ENTHD1: variants seen among roughly 807,000 people sequenced by gnomAD.
ENTHD1 encodes the protein ENTH domain containing 1, also known as ENTH domain-containing protein 1.
A neutral mutation model predicts 39.1 loss-of-function variants in ENTHD1; 23 were observed. The observed-to-expected ratio is 0.59, with a 90% CI of 0.42 to 0.83. ENTHD1 has a LOEUF of 0.83. ENTHD1 is among the 40% of genes least tolerant of loss of function. The probability of loss-of-function intolerance (pLI) is 0.00; values close to 1 mark genes in which losing one functional copy is unlikely to be tolerated. For synonymous variants in ENTHD1, 230 were observed against 258.2 expected (o/e 0.89, Z 1.05); for missense variants, 624 against 705.4 (o/e 0.88, Z 1.31).
intron 5 of ENTHD1, among the ~76,000 whole-genome samples, chr22:39,797,552 G>C (rs1411094775): frequency 6.6e-6 from 1 of 151,986 alleles, no homozygotes; most frequent in Non-Finnish European, 1.5e-5. Context: ...ATACTTTCAT[G>C]GTTTTCATGA....
Position 39,743,802 on chromosome 22 carries a change from G to A in ENTHD1, c.1701C>T (p.Ser567=), listed in dbSNP as rs909656626. The change falls in exon 7 of 7, where the codon AGC becomes AGT. Residue 567 remains serine, a synonymous_variant. Transcript: ENST00000325157. ...RAIARLHEDL[S]TVIQELNVIN... ...TGACATTAAGTTCTTGGATCACTGT[G>A]CTCAGATCTTCATGTAATCTAGCGA... 2 of 1,613,976 alleles carry A rather than the reference G, an allele frequency of 1.2e-6. No homozygotes were observed. The highest frequency in any genetic ancestry group is 1.7e-5 in the Admixed American group (1 of 60,004).
At chr22:39,783,612 T>C (rs1272719641) in intron 5 of ENTHD1, among the ~76,000 whole-genome samples, 1 of 151,264 alleles carries the variant, frequency 6.6e-6, no homozygotes, top group Non-Finnish European at 1.5e-5. Flanking sequence ...AGCCAACTCA[T>C]CTTTGGCTGT....
chr22:39,815,487 C>A (rs1340189109), intron 5 of ENTHD1, among the ~76,000 whole-genome samples: 1 of 151,682 alleles, frequency 6.6e-6, no homozygotes, highest in South Asian at 2.1e-4. Context: ...CAAATGATAC[C>A]CACCCAATAG....
At chr22:39,802,774 G>T (rs2065609065) in intron 5 of ENTHD1, among the ~76,000 whole-genome samples, 1 of 152,176 alleles carries the variant, frequency 6.6e-6, no homozygotes, top group East Asian at 1.9e-4. Flanking sequence ...TTGGGGTATT[G>T]TTCTCTGATC....
intron 5 of ENTHD1, among the ~76,000 whole-genome samples, chr22:39,790,037 G>A (rs531112047): frequency 1.3e-5 from 2 of 152,166 alleles, no homozygotes; most frequent in South Asian, 2.1e-4. Flanking sequence ...GGCTGGACAC[G>A]TTCCAGGAAC....
At chr22:39,803,596 T>C (rs567954108) in intron 5 of ENTHD1, among the ~76,000 whole-genome samples, 1 of 152,286 alleles carries the variant, frequency 6.6e-6, no homozygotes, top group Non-Finnish European at 1.5e-5. Flanking sequence ...TAAAATCTAA[T>C]TTCTCAATCT....
At chr22:39,864,990 G>A (rs954779654) in intron 2 of ENTHD1, among the ~76,000 whole-genome samples, 16 of 152,160 alleles carry the variant, frequency 1.1e-4, no homozygotes, top group African/African-American at 3.6e-4. Context: ...ACTGGAACCA[G>A]ATTGATGAAA....
At position 39,827,953 on chromosome 22, in the gene ENTHD1, T is replaced by C. The variant is rs186433237; in HGVS notation, c.712-6840A>G. Among the ~76,000 whole-genome samples, 23 of 152,300 alleles carry C rather than the reference T, an allele frequency of 1.5e-4. No homozygotes were observed. In the East Asian group the frequency reaches 4.2e-3, roughly 28 times the overall value. ...ATATGTATGTGTATACGTATATAGA[T>C]AAAGAATACAGCACAGCAATATGTA... On this transcript the variant is annotated intron_variant, in intron 4 of 6. Transcript: ENST00000325157.
chr22:39,820,803 G>T (rs1037420057), intron 5 of ENTHD1, among the ~76,000 whole-genome samples, 190 bp downstream of exon 5: 10 of 152,092 alleles, frequency 6.6e-5, no homozygotes, highest in Admixed American at 3.3e-4. Context: ...AATGAAAAAG[G>T]AAAAAGTAAA....
intron 5 of ENTHD1, among the ~76,000 whole-genome samples, chr22:39,813,434 A>G (rs554507111): frequency 6.2e-4 from 94 of 152,368 alleles, no homozygotes; most frequent in African/African-American, 2.2e-3. Flanking sequence ...AGCCAAATTC[A>G]GCTTATTCCA....
At chr22:39,829,597 CAAGATCAGCCTGGTG>C (rs1374782170) in intron 4 of ENTHD1, among the ~76,000 whole-genome samples, 3 of 151,862 alleles carry the variant, frequency 2.0e-5, no homozygotes, top group African/African-American at 7.3e-5. Context: ...TCAGCCTGGC[CAAGATCAGCCTGGTG>C]AAACCCTGTC....
At chr22:39,765,094 T>C in intron 6 of ENTHD1, 129 bp downstream of exon 6, 1 of 1,381,874 alleles carries the variant, frequency 7.2e-7, no homozygotes, top group Non-Finnish European at 9.5e-7. Context: ...TTAATATCAA[T>C]GATGAAGAGT....
chr22:39,847,886 T>A (rs2066003136), intron 3 of ENTHD1, among the ~76,000 whole-genome samples: 1 of 152,242 alleles, frequency 6.6e-6, no homozygotes, highest in Non-Finnish European at 1.5e-5. Flanking sequence ...CCATTTATTA[T>A]CTCGCAGTTC....
At chr22:39,797,780 G>A (rs1267411953) in intron 5 of ENTHD1, among the ~76,000 whole-genome samples, 1 of 152,102 alleles carries the variant, frequency 6.6e-6, no homozygotes, top group African/African-American at 2.4e-5. Context: ...CTGCTTGTCT[G>A]TAAAGTTTCT....
intron 3 of ENTHD1, among the ~76,000 whole-genome samples, chr22:39,859,599 C>T (rs913707845): frequency 1.4e-4 from 22 of 152,074 alleles, no homozygotes; most frequent in African/African-American, 5.1e-4. Flanking sequence ...AGATCGGGAT[C>T]AGTGAAGCAG....
At chr22:39,766,019 CA>C (rs11367784) in intron 5 of ENTHD1, among the ~76,000 whole-genome samples, 12,939 of 47,128 alleles carry the variant, frequency 0.27, 13 homozygotes, top group East Asian at 0.38. Context: ...CCCTCAGCTA[CA>C]AAAAAAAAAA....
chr22:39,832,115 C>T (rs1019430023), intron 4 of ENTHD1, among the ~76,000 whole-genome samples: 3 of 152,068 alleles, frequency 2.0e-5, no homozygotes, highest in Non-Finnish European at 2.9e-5. Flanking sequence ...GCCAGGAGTT[C>T]GAGACTAGCC....
Position 39,744,334 on chromosome 22 carries a change from G to A in ENTHD1, c.1220-51C>T, listed in dbSNP as rs755622430. On this transcript the variant is annotated intron_variant, in intron 6 of 6. Transcript: ENST00000325157. ...AGATTTATGCAACATACAAATGAGA[G>A]TAATAGCTAAAATAATTTTATAATG... The A allele has an allele frequency of 7.5e-6, 11 of 1,465,150 alleles. No homozygotes were observed. In the South Asian group the frequency reaches 1.6e-4, roughly 21 times the overall value. 90.8% of individuals were successfully genotyped at this position (1,465,150 alleles called of 1,614,324 possible).
intron 5 of ENTHD1, among the ~76,000 whole-genome samples, chr22:39,795,658 G>A (rs975392119): frequency 4.6e-5 from 7 of 151,600 alleles, no homozygotes; most frequent in Non-Finnish European, 1.0e-4. Context: ...CAAACTCCTG[G>A]GCTCAAGTGA....
Sources: gnomAD v4.1 joint callset for allele counts (sites outside exome capture counted in the v4.1 genomes callset) on GRCh38, gnomAD v4.1.1 for gene constraint, MANE v1.5 for transcripts, NCBI Gene and HGNC (gene_info 2026-07-23, HGNC 2026-07-21) for gene names.